The following KIAA0825 variants were observed in gnomAD, a reference collection of about 807,000 sequenced individuals.
KIAA0825 encodes KIAA0825, also known as uncharacterized protein KIAA0825.
Under a neutral mutation model 147.6 loss-of-function variants are expected in KIAA0825, and 119 were observed. That is an observed-to-expected ratio of 0.81 (90% CI 0.69 to 0.94). KIAA0825 has a LOEUF of 0.94. KIAA0825 is among the 40% of genes least tolerant of loss of function. The pLI is 0.00. For synonymous variants in KIAA0825, 470 were observed against 518.1 expected, an observed-to-expected ratio of 0.91 and a Z score of 1.26; for missense variants, 1,381 against 1,472.7, an observed-to-expected ratio of 0.94 and a Z score of 1.02.
intron 20 of KIAA0825, among the ~76,000 whole-genome samples, chr5:94,252,222 A>C (rs575998740): frequency 1.5e-3 from 227 of 152,158 alleles, no homozygotes; most frequent in African/African-American, 5.3e-3. Context: ...GTATGTTTAC[A>C]TAAAACAGCC....
intron 16 of KIAA0825, among the ~76,000 whole-genome samples, 182 bp downstream of exon 16, chr5:94,403,386 AT>A (rs1037295056): frequency 5.9e-5 from 9 of 152,184 alleles, no homozygotes; most frequent in African/African-American, 2.2e-4. Flanking sequence ...ATAATTTTCC[AT>A]TTTAGTTTCC....
chr5:94,336,770 T>C (rs919126418), intron 20 of KIAA0825, among the ~76,000 whole-genome samples: 14 of 152,170 alleles, frequency 9.2e-5, no homozygotes, highest in African/African-American at 3.4e-4. Flanking sequence ...CCTTTGGGTA[T>C]ATACCCAGTA....
intron 1 of KIAA0825, among the ~76,000 whole-genome samples, chr5:94,601,750 A>G (rs1218863929): frequency 6.6e-6 from 1 of 152,212 alleles, no homozygotes; most frequent in African/African-American, 2.4e-5. Flanking sequence ...ATGCAATCAC[A>G]AGTATTAATA....
At chr5:94,273,284 G>A (rs563284489) in intron 20 of KIAA0825, among the ~76,000 whole-genome samples, 1 of 152,268 alleles carries the variant, frequency 6.6e-6, no homozygotes, top group East Asian at 1.9e-4. Context: ...TATTATGTGT[G>A]TATATGTGTA....
chr5:94,284,869 T>C (rs1365047205), intron 20 of KIAA0825, among the ~76,000 whole-genome samples: 2 of 152,136 alleles, frequency 1.3e-5, no homozygotes, highest in Non-Finnish European at 2.9e-5. Context: ...AGAAACATTG[T>C]ATCACTTTAC....
At chr5:94,155,144 C>T (rs1041747910) in intron 20 of KIAA0825, among the ~76,000 whole-genome samples, 2 of 151,526 alleles carry the variant, frequency 1.3e-5, no homozygotes, top group Admixed American at 1.3e-4. Context: ...TAGTCTGTCA[C>T]ACATGAATTT....
At chr5:94,380,319 T>C (rs1180797300) in intron 20 of KIAA0825, among the ~76,000 whole-genome samples, 1 of 152,250 alleles carries the variant, frequency 6.6e-6, no homozygotes, top group Non-Finnish European at 1.5e-5. Flanking sequence ...TACATGTCTA[T>C]TAACCAAACA....
chr5:94,609,251 G>A (rs1475403229), intron 1 of KIAA0825, among the ~76,000 whole-genome samples: 1 of 152,130 alleles, frequency 6.6e-6, no homozygotes, highest in East Asian at 1.9e-4. Context: ...CTGAATGCAG[G>A]AGCAGATCTG....
chr5:94,206,442 T>C (rs1772205737), intron 20 of KIAA0825, among the ~76,000 whole-genome samples: 1 of 152,210 alleles, frequency 6.6e-6, no homozygotes, highest in Non-Finnish European at 1.5e-5. Context: ...CTTTTGTTTA[T>C]AGTCCCTTTT....
intron 1 of KIAA0825, chr5:94,593,329 C>A: frequency 1.2e-6 from 1 of 862,332 alleles, no homozygotes; most frequent in Non-Finnish European, 2.0e-6. Context: ...GGAAACCATC[C>A]AGAACTTAAG....
chr5:94,484,896 GAA>G lies in KIAA0825; in HGVS notation c.1003_1004del (p.Phe335LeufsTer29). On this transcript the variant is annotated frameshift_variant, in exon 6 of 21. Coordinates refer to ENST00000682413, the MANE Select transcript of KIAA0825 (RefSeq NM_001145678.3). LOFTEE classifies it high-confidence loss of function. ...TTECPQKGRNFSLPLDKVEFL... is the reference protein window; with the variant it reads ...TTECPQKGRNXSLPLDKVEFL... ...ATTCGACTTTGTCTAAAGGGAGAGAGAAGTTTCTTCCTTTCTGTGGGCATTCA... is the reference window on the plus strand; with the variant it reads ...ATTCGACTTTGTCTAAAGGGAGAGAGGTTTCTTCCTTTCTGTGGGCATTCA... The G allele has an allele frequency of 6.6e-7, 1 of 1,525,530 alleles. No individual in the cohort carries two copies. Among genetic ancestry groups the G allele is most frequent in the Non-Finnish European group, 8.9e-7 (1 of 1,129,278 alleles). The allele number at this position is 1,525,530 out of a possible 1,614,324, so 94.5% of individuals were successfully genotyped here. A position where few individuals can be genotyped will look rare whatever the true frequency, so the allele number is the denominator to read the frequency against.
intron 15 of KIAA0825, among the ~76,000 whole-genome samples, chr5:94,404,055 T>C (rs1751731303): frequency 6.6e-6 from 1 of 152,212 alleles, no homozygotes; most frequent in South Asian, 2.1e-4. Flanking sequence ...GGTGAGAACA[T>C]AAATTGTATG....
intron 6 of KIAA0825, among the ~76,000 whole-genome samples, chr5:94,483,715 C>T (rs928496041): frequency 6.6e-6 from 1 of 151,544 alleles, no homozygotes; most frequent in African/African-American, 2.4e-5. Flanking sequence ...CTAAATTTCA[C>T]CTGAAACAAA....
chr5:94,516,789 CAA>C (rs1163048649), intron 5 of KIAA0825, among the ~76,000 whole-genome samples: 10 of 53,648 alleles, frequency 1.9e-4, no homozygotes, highest in Admixed American at 2.2e-4. Context: ...GACTCCGTCT[CAA>C]AAAAAAAAAA....
At chr5:94,226,771 A>G (rs1191289156) in intron 20 of KIAA0825, among the ~76,000 whole-genome samples, 1 of 152,092 alleles carries the variant, frequency 6.6e-6, no homozygotes, top group Non-Finnish European at 1.5e-5. Context: ...GAAGACATTT[A>G]TGCAGCCAAA....
At chr5:94,187,466 G>A (rs976305062) in intron 20 of KIAA0825, among the ~76,000 whole-genome samples, 6 of 135,696 alleles carry the variant, frequency 4.4e-5, no homozygotes, top group African/African-American at 1.4e-4. Flanking sequence ...TCACTCTGTC[G>A]CCCAGGCTGG....
chr5:94,522,135 C>T (rs957896730), intron 4 of KIAA0825, among the ~76,000 whole-genome samples: 3 of 151,674 alleles, frequency 2.0e-5, no homozygotes, highest in African/African-American at 7.2e-5. Flanking sequence ...CCAATTTACA[C>T]ACAAGGACTC....
chr5:94,204,273 T>A (rs1353188542), intron 20 of KIAA0825, among the ~76,000 whole-genome samples: 1 of 152,172 alleles, frequency 6.6e-6, no homozygotes, highest in Non-Finnish European at 1.5e-5. Flanking sequence ...GGCATTATAG[T>A]TTTGGCTGAC....
chr5:94,172,275 T>C (rs777412714), intron 20 of KIAA0825, among the ~76,000 whole-genome samples: 3 of 152,196 alleles, frequency 2.0e-5, no homozygotes, highest in Non-Finnish European at 4.4e-5. Flanking sequence ...ATTATAACCA[T>C]GTCATACTAG....
Sources: gnomAD v4.1 joint callset for allele counts (sites outside exome capture counted in the v4.1 genomes callset) on GRCh38, gnomAD v4.1.1 for gene constraint, MANE v1.5 for transcripts, NCBI Gene and HGNC (gene_info 2026-07-23, HGNC 2026-07-21) for gene names.